ERBIN: variants seen among roughly 807,000 people sequenced by gnomAD.
The protein encoded by ERBIN is densin-180-like protein.
Under a neutral mutation model 158.4 loss-of-function variants are expected in ERBIN, and 60 were observed. That is an observed-to-expected ratio of 0.38 (90% CI 0.31 to 0.47). The LOEUF is 0.47. ERBIN is among the 20% of genes least tolerant of loss of function. The pLI is 0.99. For synonymous variants in ERBIN, 594 were observed against 557.2 expected (o/e 1.07, Z -0.93); for missense variants, 1,610 against 1,648.0 (o/e 0.98, Z 0.40).
chr5:65,948,694 A>C (rs912478184), intron 1 of ERBIN, among the ~76,000 whole-genome samples: 1 of 151,450 alleles, frequency 6.6e-6, no homozygotes, highest in African/African-American at 2.4e-5. Flanking sequence ...TTTTTGCTAC[A>C]TGAGTAACAG....
chr5:66,004,277 C>G (rs995292254), intron 4 of ERBIN, among the ~76,000 whole-genome samples: 1 of 151,802 alleles, frequency 6.6e-6, no homozygotes, highest in African/African-American at 2.4e-5. Context: ...AAGTATACGT[C>G]AAAGAAGAAG....
At chr5:66,002,988 T>G (rs547361435) in intron 4 of ERBIN, among the ~76,000 whole-genome samples, 2 of 152,362 alleles carry the variant, frequency 1.3e-5, no homozygotes, top group African/African-American at 4.8e-5. Context: ...AAATGTAGAC[T>G]GTTAACTGGA....
At chr5:66,057,553 C>CT (rs375788244) in intron 21 of ERBIN, among the ~76,000 whole-genome samples, 2 of 151,688 alleles carry the variant, frequency 1.3e-5, no homozygotes, top group East Asian at 1.9e-4. Flanking sequence ...AAGATTAAGG[C>CT]TTTTTTTATT....
At chr5:65,970,184 A>G (rs2150983962) in intron 1 of ERBIN, among the ~76,000 whole-genome samples, 1 of 152,330 alleles carries the variant, frequency 6.6e-6, no homozygotes, top group South Asian at 2.1e-4. Flanking sequence ...AAGAGATGGT[A>G]TAGGGACATT....
At chr5:65,957,243 T>A (rs2150943409) in intron 1 of ERBIN, among the ~76,000 whole-genome samples, 1 of 152,064 alleles carries the variant, frequency 6.6e-6, no homozygotes, top group East Asian at 1.9e-4. Context: ...TTTTTATTGA[T>A]CATTCTTGGG....
chr5:65,958,887 C>T (rs892523099), intron 1 of ERBIN, among the ~76,000 whole-genome samples: 20 of 152,056 alleles, frequency 1.3e-4, no homozygotes, highest in African/African-American at 4.8e-4. Context: ...TCTGAGCATG[C>T]TTAAAGTAGG....
At chr5:65,984,013 C>G (rs1045144406) in intron 1 of ERBIN, among the ~76,000 whole-genome samples, 14 of 152,314 alleles carry the variant, frequency 9.2e-5, no homozygotes, top group African/African-American at 2.2e-4. Context: ...CTTCTCCCAC[C>G]TGCTTCCCGT....
intron 1 of ERBIN, among the ~76,000 whole-genome samples, chr5:65,980,803 A>G (rs973629042): frequency 6.6e-6 from 1 of 152,200 alleles, no homozygotes; most frequent in African/African-American, 2.4e-5. Context: ...TGTATAATGA[A>G]TCTCCAACAT....
chr5:65,933,996 C>T (rs932825655), intron 1 of ERBIN, among the ~76,000 whole-genome samples: 2 of 152,022 alleles, frequency 1.3e-5, no homozygotes, highest in Admixed American at 6.6e-5. Flanking sequence ...CCTGGATTCA[C>T]GCCAGTTCTC....
intron 1 of ERBIN, among the ~76,000 whole-genome samples, chr5:65,980,699 TA>T (rs1410917426): frequency 2.6e-5 from 4 of 151,070 alleles, no homozygotes; most frequent in Non-Finnish European, 5.9e-5. Context: ...GGCAAAATAC[TA>T]AAAGACAAGG....
At chr5:65,969,117 C>T (rs188569990) in intron 1 of ERBIN, among the ~76,000 whole-genome samples, 89 of 152,048 alleles carry the variant, frequency 5.9e-4, no homozygotes, top group Non-Finnish European at 1.1e-3. Flanking sequence ...GTGTCAATTT[C>T]GGGAGGATAA....
intron 23 of ERBIN, among the ~76,000 whole-genome samples, chr5:66,075,552 C>T (rs1337970769): frequency 6.6e-6 from 1 of 152,126 alleles, no homozygotes; most frequent in Non-Finnish European, 1.5e-5. Flanking sequence ...TTCTGTGACA[C>T]TTAAAATCTT....
chr5:66,004,283 A>G (rs1753329223), intron 4 of ERBIN, among the ~76,000 whole-genome samples: 1 of 152,098 alleles, frequency 6.6e-6, no homozygotes, highest in Non-Finnish European at 1.5e-5. Context: ...ACGTCAAAGA[A>G]GAAGCATTAT....
At chr5:65,940,534 T>G (rs1257548725) in intron 1 of ERBIN, among the ~76,000 whole-genome samples, 1 of 51,984 alleles carries the variant, frequency 1.9e-5, no homozygotes. Flanking sequence ...GTCAGCCCCC[T>G]GCCCGGCCAG....
chr5:65,979,477 C>A (rs1467819521), intron 1 of ERBIN, among the ~76,000 whole-genome samples: 2 of 152,068 alleles, frequency 1.3e-5, no homozygotes, highest in African/African-American at 4.8e-5. Context: ...CTGACTATTA[C>A]CTTACAGTGT....
intron 9 of ERBIN, among the ~76,000 whole-genome samples, chr5:66,023,902 C>G (rs1291881559): frequency 6.6e-6 from 1 of 152,048 alleles, no homozygotes; most frequent in Non-Finnish European, 1.5e-5. Context: ...TGGTCTCGAT[C>G]TCCTGACCTC....
At chr5:66,035,912 A>G (rs1238814223) in intron 14 of ERBIN, among the ~76,000 whole-genome samples, 1 of 152,060 alleles carries the variant, frequency 6.6e-6, no homozygotes, top group Non-Finnish European at 1.5e-5. Context: ...TGGGTGACAT[A>G]ACAAGATCCC....
intron 1 of ERBIN, among the ~76,000 whole-genome samples, chr5:65,954,669 TGAGGTTG>T (rs1306075193): frequency 6.6e-6 from 1 of 152,146 alleles, no homozygotes; most frequent in East Asian, 1.9e-4. Context: ...GATTATTTAT[TGAGGTTG>T]GCATGTCCCA....
chr5:66,071,576 A>G (rs1249175040), intron 21 of ERBIN, among the ~76,000 whole-genome samples: 2 of 152,194 alleles, frequency 1.3e-5, no homozygotes, highest in African/African-American at 4.8e-5. Flanking sequence ...ATTAAGCTAA[A>G]GCAAATTTTA....
Sources: allele counts gnomAD v4.1 joint callset (sites outside exome capture counted in the v4.1 genomes callset), GRCh38; gene constraint gnomAD v4.1.1; transcripts MANE v1.5; gene names NCBI Gene and HGNC (gene_info 2026-07-23, HGNC 2026-07-21).